The following PCYT1B variants were observed in gnomAD, a reference collection of about 807,000 sequenced individuals.
PCYT1B encodes choline-phosphate cytidylyltransferase B.
PCYT1B carries 10 observed loss-of-function variants against 26.4 expected under a neutral mutation model. That is an observed-to-expected ratio of 0.38 (90% confidence interval 0.23 to 0.64). The LOEUF (loss-of-function observed/expected upper bound fraction) is 0.64, where lower values mean the gene tolerates loss of function less well. Ranked by LOEUF, PCYT1B falls within the 30% of genes least tolerant of loss-of-function variation. The probability of loss-of-function intolerance (pLI) is 0.56; values close to 1 mark genes in which losing one functional copy is unlikely to be tolerated. For missense variants in PCYT1B, 161 were observed against 292.7 expected (o/e 0.55, Z 3.28); for synonymous variants, 131 against 108.4 (o/e 1.21, Z -1.29).
intron 1 of PCYT1B, among the ~76,000 whole-genome samples, chrX:24,628,338 TAGAA>T (rs1925946157): frequency 9.0e-6 from 1 of 111,542 alleles, no homozygotes; most frequent in African/African-American, 3.3e-5. Context: ...ACCTGGCATA[TAGAA>T]GGTCCTTAAG....
upstream of PCYT1B, among the ~76,000 whole-genome samples, chrX:24,651,468 AAAAAATATATATATATATATATATATAT>A (rs1259670742): frequency 2.9e-5 from 1 of 33,934 alleles, no homozygotes; most frequent in East Asian, 1.1e-3. Flanking sequence ...AAAAAAAAAA[AAAAAATATATATATATATATATATATAT>A]ATATATATAT....
At position 24,618,915 on chromosome X, in the gene PCYT1B, G is replaced by A. The variant is rs938560054; in HGVS notation, c.217+70C>T. On this transcript the variant is annotated intron_variant, in intron 2 of 7. Coordinates refer to ENST00000379144, the MANE Select transcript of PCYT1B (RefSeq NM_004845.5). ...TGGGATCACAGGCATGAGCCACCAC[G>A]CCCGGCCCCTTTCTGATACTTTAAA... is the stretch of plus-strand genomic sequence containing the variant. 6.5e-5 allele frequency: 45 copies of A among 690,824 alleles called. No individual in the cohort carries two copies. The African/African-American group carries it at 6.8e-4, about 10-fold the overall frequency. The allele number at this position is 690,824 out of a possible 1,213,427, so 56.9% of individuals were successfully genotyped here.
intron 1 of PCYT1B, among the ~76,000 whole-genome samples, chrX:24,634,045 T>C: frequency 9.0e-6 from 1 of 110,671 alleles, no homozygotes; most frequent in Non-Finnish European, 1.9e-5. Context: ...TGCGTCAGCC[T>C]CCTAGGACTA....
intron 1 of PCYT1B, among the ~76,000 whole-genome samples, chrX:24,626,762 TTCATGGTA>T (rs1409074836): frequency 2.7e-5 from 3 of 112,063 alleles, no homozygotes; most frequent in Non-Finnish European, 5.6e-5. Flanking sequence ...TTAAATTACT[TTCATGGTA>T]TCTACCCGTA....
Position 24,561,904 on chromosome X carries a change from T to G in PCYT1B, c.*389A>C, listed in dbSNP as rs1223557290. Reference sequence around the variant, plus strand: ...TGGGAGGCAACGTGCAGGACCCTTATGGACGCAGAAGTAGCAGGTTGAGGG... The same window carrying G: ...TGGGAGGCAACGTGCAGGACCCTTAGGGACGCAGAAGTAGCAGGTTGAGGG... On this transcript the variant is annotated 3_prime_UTR_variant, in exon 8 of 8. Coordinates refer to ENST00000379144, the MANE Select transcript of PCYT1B (RefSeq NM_004845.5). 1 of 460,330 alleles carries G rather than the reference T, an allele frequency of 2.2e-6. No individual in the cohort carries two copies. The highest frequency in any genetic ancestry group is 3.8e-6 in the Non-Finnish European group (1 of 261,870). 37.9% of individuals were successfully genotyped at this position (460,330 alleles called of 1,213,427 possible).
intron 1 of PCYT1B, among the ~76,000 whole-genome samples, chrX:24,623,209 T>C (rs957703490): frequency 9.1e-6 from 1 of 109,512 alleles, no homozygotes; most frequent in African/African-American, 3.3e-5. Context: ...ATGTTCAGTT[T>C]TCAATAACGT....
upstream of PCYT1B, among the ~76,000 whole-genome samples, chrX:24,651,472 A>AAAAAAAAAAAT (rs1555965467): frequency 3.8e-5 from 1 of 26,059 alleles, no homozygotes; most frequent in Non-Finnish European, 6.0e-5. Flanking sequence ...AAAAAAAAAA[A>AAAAAAAAAAAT]ATATATATAT....
intron 1 of PCYT1B, 123 bp from the exon 2 acceptor site, chrX:24,619,207 G>A (rs1264892184): frequency 1.9e-6 from 1 of 523,732 alleles, no homozygotes; most frequent in African/African-American, 2.3e-5. Flanking sequence ...TATCCACTGA[G>A]TCTCAGAGAA....
chrX:24,567,342 C>A (rs1446634171), intron 7 of PCYT1B, among the ~76,000 whole-genome samples: 1 of 112,258 alleles, frequency 8.9e-6, no homozygotes, highest in Non-Finnish European at 1.9e-5. Flanking sequence ...AACTCCCAGC[C>A]TCAATTTGCC....
At position 24,629,320 on chromosome X, in the gene PCYT1B, C is replaced by T. The variant is rs547393819; in HGVS notation, c.118-10236G>A. On this transcript the variant is annotated intron_variant, in intron 1 of 7. Coordinates refer to ENST00000379144, the MANE Select transcript of PCYT1B (RefSeq NM_004845.5). ...GTAGCTCACGCTTGTAATCCCAGCTCGTTGGGAGGCAGAGGCAGGCAGATC... is the reference window on the plus strand; with the variant it reads ...GTAGCTCACGCTTGTAATCCCAGCTTGTTGGGAGGCAGAGGCAGGCAGATC... Among the ~76,000 whole-genome samples, 6 of 109,642 alleles carry T rather than the reference C, an allele frequency of 5.5e-5. No individual in the cohort carries two copies. In the East Asian group the frequency reaches 8.6e-4, roughly 16 times the overall value.
intron 3 of PCYT1B, among the ~76,000 whole-genome samples, chrX:24,598,920 G>A (rs1924874199): frequency 8.9e-6 from 1 of 111,982 alleles, no homozygotes; most frequent in African/African-American, 3.2e-5. Flanking sequence ...ATCTGAAACT[G>A]TAGCCCTGAG....
upstream of PCYT1B, among the ~76,000 whole-genome samples, chrX:24,651,467 AAAAAAATATATATATATATAT>A (rs1350016060): frequency 2.3e-4 from 7 of 30,441 alleles, no homozygotes; most frequent in African/African-American, 8.4e-4. Flanking sequence ...AAAAAAAAAA[AAAAAAATATATATATATATAT>A]ATATATATAT....
Position 24,639,636 on chromosome X carries a change from G to A in PCYT1B, c.117+7353C>T, listed in dbSNP as rs182444118. Among the ~76,000 whole-genome samples, 36 of 111,843 alleles carry A rather than the reference G, an allele frequency of 3.2e-4. 1 individual carries two copies. The highest frequency in any genetic ancestry group is 4.6e-3 in the Middle Eastern group (1 of 218). On this transcript the variant is annotated intron_variant, in intron 1 of 7. Coordinates refer to ENST00000379144, the MANE Select transcript of PCYT1B (RefSeq NM_004845.5). ...CAGGATATACCAGAATTATAGTTCCGTACTAGCCAGAAATAAGCCACCATG... is the reference window on the plus strand; with the variant it reads ...CAGGATATACCAGAATTATAGTTCCATACTAGCCAGAAATAAGCCACCATG...
At chrX:24,562,751 A>G (rs1471829955) in intron 7 of PCYT1B, among the ~76,000 whole-genome samples, 1 of 103,017 alleles carries the variant, frequency 9.7e-6, no homozygotes, top group Non-Finnish European at 2.0e-5. Flanking sequence ...TTTTTGAGAC[A>G]GAGTCTCGCT....
intron 1 of PCYT1B, among the ~76,000 whole-genome samples, chrX:24,636,013 AT>A (rs1317960791): frequency 9.0e-6 from 1 of 111,244 alleles, no homozygotes; most frequent in East Asian, 2.8e-4. Context: ...GGGGCCACGG[AT>A]TTTAATTCAC....
intron 1 of PCYT1B, among the ~76,000 whole-genome samples, chrX:24,625,327 T>C (rs61760939): frequency 0.11 from 12,332 of 111,538 alleles, 1,667 homozygotes; most frequent in African/African-American, 0.38. Context: ...TGAACATATT[T>C]TTAAAACCTT....
chrX:24,634,379 TAGATAA>T (rs1926206420), intron 1 of PCYT1B, among the ~76,000 whole-genome samples: 1 of 112,563 alleles, frequency 8.9e-6, no homozygotes, highest in African/African-American at 3.2e-5. Flanking sequence ...CACCTGAGCC[TAGATAA>T]AGGTATTTGT....
chrX:24,640,983 G>C, intron 1 of PCYT1B, among the ~76,000 whole-genome samples: 1 of 111,865 alleles, frequency 8.9e-6, no homozygotes, highest in Middle Eastern at 4.6e-3. Context: ...ACTCAGGCTG[G>C]AGTGCAGAGG....
rs61756165 is a variant in PCYT1B, at chrX:24,559,479, G to A, written c.*2814C>T. Reference sequence around the variant, plus strand: ...AGAAAGAAAGAGAAAGAAAGTAAAAGAAAGAAAGAAAGAAAAGCGGAAAAT... The same window carrying A: ...AGAAAGAAAGAGAAAGAAAGTAAAAAAAAGAAAGAAAGAAAAGCGGAAAAT... On this transcript the variant is annotated 3_prime_UTR_variant, in exon 8 of 8. Coordinates refer to ENST00000379144, the MANE Select transcript of PCYT1B (RefSeq NM_004845.5). 1 of 104,293 alleles carries A rather than the reference G, an allele frequency of 9.6e-6. No individual in the cohort carries two copies. Among genetic ancestry groups the A allele is most frequent in the Non-Finnish European group, 2.0e-5 (1 of 49,272 alleles). The allele number at this position is 104,293 out of a possible 1,213,427, so 8.6% of individuals were successfully genotyped here. A position where few individuals can be genotyped will look rare whatever the true frequency, so the allele number is the denominator to read the frequency against.
Sources: gnomAD v4.1 joint callset for allele counts (sites outside exome capture counted in the v4.1 genomes callset) on GRCh38, gnomAD v4.1.1 for gene constraint, MANE v1.5 for transcripts, NCBI Gene and HGNC (gene_info 2026-07-23, HGNC 2026-07-21) for gene names.